Variants in STXBP5 observed in about 807,000 individuals in gnomAD.
The protein encoded by STXBP5 is syntaxin-binding protein 5.
STXBP5 carries 50 observed loss-of-function variants against 152.4 expected under a neutral mutation model. The ratio of observed to expected loss-of-function variants is 0.33; its 90% CI spans 0.26 to 0.42. The LOEUF (loss-of-function observed/expected upper bound fraction) is 0.42. Among genes scored for constraint, STXBP5 ranks in the 10% least tolerant of loss-of-function variants. The pLI, the probability that STXBP5 is intolerant of heterozygous loss-of-function variation, is 1.00. For synonymous variants in STXBP5, 492 were observed against 494.7 expected, an observed-to-expected ratio of 0.99 and a Z score of 0.07; for missense variants, 1,167 against 1,388.6, an observed-to-expected ratio of 0.84 and a Z score of 2.54.
At chr6:147,322,648 T>G (rs1782994228) in intron 16 of STXBP5, among the ~76,000 whole-genome samples, 1 of 152,240 alleles carries the variant, frequency 6.6e-6, no homozygotes, top group African/African-American at 2.4e-5. Context: ...CCTTAAGAAT[T>G]GCGGAAGTAA....
At chr6:147,343,810 A>G (rs1784197126) in intron 21 of STXBP5, among the ~76,000 whole-genome samples, 1 of 152,214 alleles carries the variant, frequency 6.6e-6, no homozygotes. Flanking sequence ...AAATAGTGCT[A>G]GTATTTCTAC....
intron 2 of STXBP5, among the ~76,000 whole-genome samples, chr6:147,228,540 A>G (rs552832512): frequency 2.6e-5 from 4 of 150,974 alleles, no homozygotes; most frequent in Non-Finnish European, 4.4e-5. Context: ...CGTAAAATCT[A>G]TTTTCTTCTA....
intron 8 of STXBP5, among the ~76,000 whole-genome samples, chr6:147,285,917 T>C (rs909020796): frequency 6.6e-6 from 1 of 152,194 alleles, no homozygotes; most frequent in African/African-American, 2.4e-5. Flanking sequence ...ATGTAAAATT[T>C]GTGTCTATAA....
chr6:147,236,373 T>C (rs1393114355), intron 3 of STXBP5, among the ~76,000 whole-genome samples: 2 of 152,160 alleles, frequency 1.3e-5, no homozygotes, highest in African/African-American at 2.4e-5. Context: ...AGATTATTTT[T>C]CCTCCTTTAA....
intron 21 of STXBP5, among the ~76,000 whole-genome samples, chr6:147,346,090 A>C (rs1784314123): frequency 6.6e-6 from 1 of 152,212 alleles, no homozygotes; most frequent in African/African-American, 2.4e-5. Context: ...TGTGTCTTTC[A>C]ATAACTCATC....
chr6:147,371,476 C>T (rs921306920), intron 25 of STXBP5, among the ~76,000 whole-genome samples: 2 of 152,062 alleles, frequency 1.3e-5, no homozygotes, highest in African/African-American at 4.8e-5. Flanking sequence ...TTGATGTCTA[C>T]TCCTGGCACT....
At chr6:147,275,758 C>T (rs769758451) in intron 7 of STXBP5, among the ~76,000 whole-genome samples, 56 of 151,786 alleles carry the variant, frequency 3.7e-4, no homozygotes, top group Non-Finnish European at 7.5e-4. Flanking sequence ...GGGGTTTCAC[C>T]GTGTTAGCCA....
At chr6:147,295,628 A>G (rs1355513434) in intron 9 of STXBP5, among the ~76,000 whole-genome samples, 2 of 152,168 alleles carry the variant, frequency 1.3e-5, no homozygotes, top group Non-Finnish European at 2.9e-5. Flanking sequence ...CCTGTCTCCC[A>G]CTTTGAGCCA....
At chr6:147,266,068 T>C (rs2115363761) in intron 6 of STXBP5, among the ~76,000 whole-genome samples, 1 of 151,694 alleles carries the variant, frequency 6.6e-6, no homozygotes, top group East Asian at 1.9e-4. Context: ...TCAAATGGAG[T>C]GGCCCAGGTA....
intron 19 of STXBP5, among the ~76,000 whole-genome samples, chr6:147,337,517 C>T (rs1783891440): frequency 6.6e-6 from 1 of 151,892 alleles, no homozygotes; most frequent in South Asian, 2.1e-4. Context: ...GTTTTGTTTA[C>T]ATTACAGCCT....
intron 2 of STXBP5, among the ~76,000 whole-genome samples, chr6:147,211,403 A>G (rs1776847147): frequency 6.6e-6 from 1 of 152,100 alleles, no homozygotes; most frequent in Admixed American, 6.5e-5. Context: ...AGTTTCTCAC[A>G]TATGGTAAAT....
chr6:147,334,029 G>C, intron 18 of STXBP5, 128 bp from the exon 19 acceptor site: 15 of 821,378 alleles, frequency 1.8e-5, no homozygotes, highest in Non-Finnish European at 2.8e-5. Context: ...CATGGTATCA[G>C]TACCACAGTC....
chr6:147,236,968 G>A (rs1333935295), intron 3 of STXBP5, among the ~76,000 whole-genome samples: 1 of 151,980 alleles, frequency 6.6e-6, no homozygotes, highest in Non-Finnish European at 1.5e-5. Context: ...AGTAGAGACA[G>A]GGTTTCACTG....
intron 4 of STXBP5, among the ~76,000 whole-genome samples, chr6:147,248,082 C>T (rs549821462): frequency 1.3e-5 from 2 of 152,144 alleles, no homozygotes; most frequent in Admixed American, 6.5e-5. Flanking sequence ...GAGTTCAAGA[C>T]GAGCCTGGCC....
chr6:147,205,904 A>G lies in STXBP5; in HGVS notation c.151-67A>G, dbSNP rs181795025. Reference sequence around the variant, plus strand: ...AGTGGTTCTAAATTCTAACGCCTCTATTGACTTTCTATTTTAAAATTTCGC... The same window carrying G: ...AGTGGTTCTAAATTCTAACGCCTCTGTTGACTTTCTATTTTAAAATTTCGC... On this transcript the variant is annotated intron_variant, in intron 1 of 27. Coordinates refer to ENST00000321680, the MANE Select transcript of STXBP5 (RefSeq NM_001127715.4). 8.1e-5 allele frequency: 101 copies of G among 1,241,802 alleles called. No homozygotes were observed. In the East Asian group the frequency reaches 1.3e-3, roughly 17 times the overall value. The allele number at this position is 1,241,802 out of a possible 1,614,324, so 76.9% of individuals were successfully genotyped here. A position where few individuals can be genotyped will look rare whatever the true frequency, so the allele number is the denominator to read the frequency against.
At chr6:147,254,669 C>T (rs1194311169) in intron 4 of STXBP5, among the ~76,000 whole-genome samples, 3 of 152,156 alleles carry the variant, frequency 2.0e-5, no homozygotes, top group Non-Finnish European at 4.4e-5. Context: ...TTTATGCAGA[C>T]ACTTCTCAAA....
At chr6:147,256,717 G>A (rs1023394117) in intron 4 of STXBP5, among the ~76,000 whole-genome samples, 17 of 152,160 alleles carry the variant, frequency 1.1e-4, no homozygotes, top group African/African-American at 3.6e-4. Context: ...GAGGGAGTAC[G>A]CTGGGAATGT....
At chr6:147,218,125 G>C (rs1033925068) in intron 2 of STXBP5, among the ~76,000 whole-genome samples, 1 of 152,128 alleles carries the variant, frequency 6.6e-6, no homozygotes, top group South Asian at 2.1e-4. Flanking sequence ...CTCCCTGCCT[G>C]TCCCAAAACA....
At chr6:147,256,657 T>TTGA (rs1214365362) in intron 4 of STXBP5, among the ~76,000 whole-genome samples, 5 of 152,240 alleles carry the variant, frequency 3.3e-5, no homozygotes, top group African/African-American at 9.6e-5. Flanking sequence ...TAGAATGGAT[T>TTGA]TGACGATCAA....
Sources: gnomAD v4.1 joint callset for allele counts (sites outside exome capture counted in the v4.1 genomes callset) on GRCh38, gnomAD v4.1.1 for gene constraint, MANE v1.5 for transcripts, NCBI Gene and HGNC (gene_info 2026-07-23, HGNC 2026-07-21) for gene names.